Variants in PUDP observed in about 807,000 individuals in gnomAD.
The protein encoded by PUDP is pseudouridine-5'-phosphatase.
PUDP carries 8 observed loss-of-function variants against 9.4 expected under a neutral mutation model. The ratio of observed to expected loss-of-function variants is 0.85; its 90% CI spans 0.50 to 1.53. The LOEUF is 1.53. PUDP is among the 40% of genes most tolerant of loss of function. The probability of loss-of-function intolerance (pLI) is 0.00; values close to 1 mark genes in which losing one functional copy is unlikely to be tolerated. For synonymous variants in PUDP, 99 were observed against 80.7 expected, an observed-to-expected ratio of 1.23 and a Z score of -1.22; for missense variants, 188 against 189.7, an observed-to-expected ratio of 0.99 and a Z score of 0.05.
chrX:6,733,008 G>A (rs1266040643), intron 3 of PUDP, among the ~76,000 whole-genome samples: 1 of 112,079 alleles, frequency 8.9e-6, no homozygotes, highest in African/African-American at 3.2e-5. Flanking sequence ...CACGCGCAAA[G>A]GTGGCATGTG....
chrX:6,707,839 A>G lies in PUDP; in HGVS notation n.129-1373T>C, dbSNP rs759209973. Among the ~76,000 whole-genome samples, 7 of 112,182 alleles carry G rather than the reference A, an allele frequency of 6.2e-5. No homozygotes were observed. The East Asian group carries it at 2.0e-3, about 32-fold the overall frequency. Reference sequence around the variant, plus strand: ...ATGGATTGCAACAGAGTAACAAGAAACATGGTTGGAAACACAATTTAATGG... The same window carrying G: ...ATGGATTGCAACAGAGTAACAAGAAGCATGGTTGGAAACACAATTTAATGG... On this transcript the variant is annotated intron_variant and non_coding_transcript_variant, in intron 1 of 2. Transcript: ENST00000438499.
At chrX:6,973,887 C>T (rs985825963) in intron 3 of PUDP, among the ~76,000 whole-genome samples, 1 of 111,342 alleles carries the variant, frequency 9.0e-6, no homozygotes, top group African/African-American at 3.3e-5. Flanking sequence ...CTGGGTGCTC[C>T]TGTATTGGGT....
chrX:6,834,630 A>G (rs2146714177), intron 3 of PUDP, among the ~76,000 whole-genome samples: 1 of 111,926 alleles, frequency 8.9e-6, no homozygotes, highest in Admixed American at 9.5e-5. Flanking sequence ...TCAGATAGGA[A>G]AGTGTTTTTG....
In PUDP at chrX:6,720,256, G is replaced by GTA. The variant is rs1384554975; in HGVS notation, n.128+1160_128+1161insTA. ...TGTGTATATATGTATGTGTGTGTGT[G>GTA]TGTATATATATATATATATATATAT... On this transcript the variant is annotated intron_variant and non_coding_transcript_variant, in intron 1 of 2. Transcript: ENST00000438499. Among the ~76,000 whole-genome samples the GTA allele has an allele frequency of 2.5e-3, 92 of 37,127 alleles. 1 individual carries two copies. The highest frequency in any genetic ancestry group is 5.9e-3 in the African/African-American group (38 of 6,416). 32.2% of individuals were successfully genotyped at this position (37,127 alleles called of 115,157 possible).
intron 3 of PUDP, among the ~76,000 whole-genome samples, chrX:6,733,857 A>G (rs939094862): frequency 3.3e-5 from 3 of 92,168 alleles, no homozygotes; most frequent in Non-Finnish European, 6.1e-5. Context: ...GACTCACTGC[A>G]GCCTCCACCT....
chrX:6,860,171 A>G (rs1926975001), intron 3 of PUDP, among the ~76,000 whole-genome samples: 1 of 111,813 alleles, frequency 8.9e-6, no homozygotes, highest in Non-Finnish European at 1.9e-5. Flanking sequence ...TTATAGATAC[A>G]GAGTCTTGCT....
chrX:7,105,657 C>T lies in PUDP; in HGVS notation c.243G>A (p.Lys81=), dbSNP rs893737232. 7 of 1,207,854 alleles carry T rather than the reference C, an allele frequency of 5.8e-6. No individual in the cohort carries two copies. Among genetic ancestry groups the T allele is most frequent in the African/African-American group, 5.3e-5 (3 of 57,084 alleles). Residue 81 remains lysine, a synonymous_variant, in exon 2 of 4, where the codon AAG becomes AAA. Coordinates refer to ENST00000381077, the MANE Select transcript of PUDP (RefSeq NM_012080.5). ...CAGCCGTGGGGAACACTTCCTTTAA[C>T]TTCGTTTGGCTTTCTTCCACCAGCT... The part of the protein sequence containing the change: ...KEELVEESQT[K]LKEVFPTAAL...
intron 3 of PUDP, among the ~76,000 whole-genome samples, chrX:6,761,863 G>A (rs1050990697): frequency 3.6e-5 from 4 of 111,244 alleles, no homozygotes; most frequent in Admixed American, 9.5e-5. Context: ...TGAGAATATC[G>A]TCAAGAAAAG....
At chrX:7,088,971 C>A (rs907486979) in intron 2 of PUDP, among the ~76,000 whole-genome samples, 140 of 111,944 alleles carry the variant, frequency 1.3e-3, no homozygotes, top group African/African-American at 4.3e-3. Context: ...GAATGAACAG[C>A]ATAATATCAA....
At chrX:6,950,001 T>G (rs5934677) in intron 3 of PUDP, among the ~76,000 whole-genome samples, 34,258 of 110,220 alleles carry the variant, frequency 0.31, 4,574 homozygotes, top group Non-Finnish European at 0.41. Context: ...TTGCCCTGTC[T>G]CCAGTATGGC....
At chrX:6,782,694 A>G (rs1294022051) in intron 3 of PUDP, among the ~76,000 whole-genome samples, 1 of 112,501 alleles carries the variant, frequency 8.9e-6, no homozygotes, top group Non-Finnish European at 1.9e-5. Context: ...TCCAAAACCC[A>G]ACAGCCTGTC....
At chrX:7,011,094 T>C (rs1363925319) in intron 1 of PUDP, among the ~76,000 whole-genome samples, 2 of 112,276 alleles carry the variant, frequency 1.8e-5, no homozygotes, top group African/African-American at 3.2e-5. Flanking sequence ...ATTGCTACCA[T>C]GATTATTAAT....
At chrX:6,970,353 A>G (rs1470770638) in intron 3 of PUDP, among the ~76,000 whole-genome samples, 2 of 112,086 alleles carry the variant, frequency 1.8e-5, no homozygotes, top group African/African-American at 6.5e-5. Flanking sequence ...ACTATCTGCA[A>G]AGGGCCTTTT....
intron 1 of PUDP, among the ~76,000 whole-genome samples, chrX:7,120,292 A>AATATAATC (rs1280478234): frequency 3.6e-5 from 4 of 111,372 alleles, no homozygotes; most frequent in Admixed American, 9.5e-5. Flanking sequence ...AGGTGGACTC[A>AATATAATC]ATATAATCAC....
intron 3 of PUDP, among the ~76,000 whole-genome samples, chrX:6,932,408 A>C (rs73629006): frequency 0.032 from 3,571 of 111,493 alleles, 142 homozygotes; most frequent in African/African-American, 0.11. Flanking sequence ...CCCTTTTTGA[A>C]AGTGCATAGC....
In PUDP at chrX:6,752,697, T is replaced by C. The variant is rs778599613; in HGVS notation, c.*248-46231A>G. ...ATAAGAAATAAGAAGGAGGGAAGGA[T>C]AGGAATGTTTCCTAGATTCTGCCTG... On this transcript the variant is annotated intron_variant and NMD_transcript_variant, in intron 3 of 3. Transcript: ENST00000655425. 5.4e-5 allele frequency among the ~76,000 whole-genome samples: 6 copies of C among 110,430 alleles called. No homozygotes were observed. In the South Asian group the frequency reaches 2.4e-3, roughly 44 times the overall value.
At chrX:6,752,925 T>C (rs150071695) in intron 3 of PUDP, among the ~76,000 whole-genome samples, 137 of 111,986 alleles carry the variant, frequency 1.2e-3, no homozygotes, top group Non-Finnish European at 2.3e-3. Flanking sequence ...ATTAGTTAAA[T>C]ATATGCATAT....
At chrX:6,814,912 T>G (rs1418571570) in intron 3 of PUDP, among the ~76,000 whole-genome samples, 1 of 111,704 alleles carries the variant, frequency 9.0e-6, no homozygotes, top group East Asian at 2.8e-4. Context: ...AAGTCAGGAT[T>G]AGGGACCTCT....
chrX:6,791,418 G>A (rs1602620924), intron 3 of PUDP, among the ~76,000 whole-genome samples: 1 of 111,192 alleles, frequency 9.0e-6, no homozygotes, highest in Non-Finnish European at 1.9e-5. Context: ...AGATGCCCAA[G>A]TCTGAATCCA....
Sources: allele counts gnomAD v4.1 joint callset (sites outside exome capture counted in the v4.1 genomes callset), GRCh38; gene constraint gnomAD v4.1.1; transcripts MANE v1.5; gene names NCBI Gene and HGNC (gene_info 2026-07-23, HGNC 2026-07-21).